TRAPPC11: variants seen among roughly 807,000 people sequenced by gnomAD.
TRAPPC11 encodes the protein trafficking protein particle complex subunit 11, also known as foie gras homolog.
In TRAPPC11, 104 loss-of-function variants were observed where a neutral mutation model predicts 151.2. The observed-to-expected ratio is 0.69, with a 90% CI of 0.59 to 0.81. The LOEUF is 0.81. TRAPPC11 is among the 30% of genes least tolerant of loss of function. The probability of loss-of-function intolerance (pLI) is 0.00; values close to 1 mark genes in which losing one functional copy is unlikely to be tolerated. For missense variants in TRAPPC11, 1,230 were observed against 1,349.6 expected (o/e 0.91, Z 1.39); for synonymous variants, 456 against 472.3 (o/e 0.97, Z 0.45).
At chr4:183,669,068 T>C (rs1735021253) in intron 5 of TRAPPC11, among the ~76,000 whole-genome samples, 1 of 152,148 alleles carries the variant, frequency 6.6e-6, no homozygotes, top group Non-Finnish European at 1.5e-5. Context: ...GAAGCATACA[T>C]TTAGCAGAGA....
intron 25 of TRAPPC11, among the ~76,000 whole-genome samples, chr4:183,700,680 G>A (rs761081802): frequency 3.3e-5 from 5 of 152,184 alleles, no homozygotes; most frequent in Admixed American, 6.5e-5. Context: ...AGTGCTATTA[G>A]TAATACAGGC....
chr4:183,684,273 G>A (rs1561044134), intron 13 of TRAPPC11, 32 bp from the exon 14 acceptor site: 3 of 1,612,684 alleles, frequency 1.9e-6, no homozygotes, highest in South Asian at 2.2e-5. Flanking sequence ...ATGACTTTAA[G>A]TTACATACAT....
chr4:183,694,104 T>A (rs1235204885), intron 22 of TRAPPC11, 66 bp downstream of exon 22: 3 of 1,555,680 alleles, frequency 1.9e-6, no homozygotes, highest in Non-Finnish European at 1.8e-6. Context: ...ATATAGTGAG[T>A]TTTTAACAGT....
At chr4:183,663,736 GTTTTTTT>G in intron 1 of TRAPPC11, 104 bp from the exon 2 acceptor site, 1 of 387,670 alleles carries the variant, frequency 2.6e-6, no homozygotes, top group South Asian at 3.3e-5. Context: ...AATATGAGTT[GTTTTTTT>G]TTTTTTTTTT....
chr4:183,664,296 A>G (rs999852765), intron 2 of TRAPPC11, among the ~76,000 whole-genome samples: 8 of 152,224 alleles, frequency 5.3e-5, no homozygotes, highest in South Asian at 2.1e-4. Flanking sequence ...TTTCTATCCT[A>G]TGAGCCCAGG....
chr4:183,662,135 A>G (rs1004334657), intron 1 of TRAPPC11, among the ~76,000 whole-genome samples: 1 of 152,032 alleles, frequency 6.6e-6, no homozygotes, highest in South Asian at 2.1e-4. Context: ...AAGGCTGGCA[A>G]TCGCCTGAGG....
intron 7 of TRAPPC11, among the ~76,000 whole-genome samples, chr4:183,676,614 G>A (rs896593150): frequency 6.6e-6 from 1 of 152,196 alleles, no homozygotes; most frequent in Non-Finnish European, 1.5e-5. Flanking sequence ...TGCAAGGTAG[G>A]CCCTGTTCCC....
chr4:183,678,120 G>A (rs950914070), intron 8 of TRAPPC11, among the ~76,000 whole-genome samples: 1 of 151,982 alleles, frequency 6.6e-6, no homozygotes, highest in Non-Finnish European at 1.5e-5. Context: ...TGTGTTTTTA[G>A]TAGAGACATG....
rs759549155 is a variant in TRAPPC11, at chr4:183,667,141, T to C, written c.445+11T>C. The C allele has an allele frequency of 6.3e-7, 1 of 1,596,726 alleles. No homozygotes were observed. The highest frequency in any genetic ancestry group is 8.6e-7 in the Non-Finnish European group (1 of 1,167,768). On this transcript the variant is annotated intron_variant, in intron 4 of 29. Transcript: ENST00000334690. ...CCCCTTTGCCCCCAGGTATCAGAAG[T>C]CTAATTAATGAATTAATTGTTTTAT...
At chr4:183,679,310 TTC>T (rs1385753195) in intron 8 of TRAPPC11, 41 bp from the exon 9 acceptor site, 2 of 1,512,790 alleles carry the variant, frequency 1.3e-6, no homozygotes, top group Non-Finnish European at 1.8e-6. Flanking sequence ...TCTTTTGACT[TTC>T]TTTTTTTCCT....
chr4:183,672,373 AACT>A (rs1735196268), intron 5 of TRAPPC11, among the ~76,000 whole-genome samples: 1 of 152,182 alleles, frequency 6.6e-6, no homozygotes, highest in Non-Finnish European at 1.5e-5. Flanking sequence ...GAACAAAAAA[AACT>A]GAAGGTCTCT....
At chr4:183,684,566 A>G in intron 14 of TRAPPC11, 130 bp from the exon 15 acceptor site, 1 of 1,088,164 alleles carries the variant, frequency 9.2e-7, no homozygotes, top group Non-Finnish European at 1.3e-6. Flanking sequence ...AAATATGAGA[A>G]TACCTGTTCA....
chr4:183,679,282 A>G (rs1735557353), intron 8 of TRAPPC11, 71 bp from the exon 9 acceptor site: 1 of 1,357,426 alleles, frequency 7.4e-7, no homozygotes, highest in African/African-American at 1.5e-5. Context: ...TTCTCAAAAT[A>G]GTTTTTAAAT....
At chr4:183,686,429 G>C (rs1385958996) in intron 17 of TRAPPC11, among the ~76,000 whole-genome samples, 189 bp from the exon 18 acceptor site, 1 of 152,192 alleles carries the variant, frequency 6.6e-6, no homozygotes, top group Non-Finnish European at 1.5e-5. Context: ...GAGCCACTGT[G>C]CTCAGCCTAA....
rs1234912682 is a variant in TRAPPC11, at chr4:183,685,100, T to C, written c.1584T>C (p.Asp528=). 1.2e-6 allele frequency: 2 copies of C among 1,613,896 alleles called. No homozygotes were observed. The highest frequency in any genetic ancestry group is 1.7e-5 in the Admixed American group (1 of 59,988). Reference sequence around the variant, plus strand: ...TCATACTAGCTTCAACTCTGAAAGATGACCAGAAGTCTCGGATAGAAAAGA... The same window carrying C: ...TCATACTAGCTTCAACTCTGAAAGACGACCAGAAGTCTCGGATAGAAAAGA... The part of the protein sequence containing the change: ...ELLGRASTLK[D]DQKSRIEKNL... The change falls in exon 16 of 30, where the codon GAT becomes GAC. Residue 528 remains aspartate, a synonymous_variant. Coordinates refer to ENST00000334690, the MANE Select transcript of TRAPPC11 (RefSeq NM_021942.6).
intron 4 of TRAPPC11, 106 bp from the exon 5 acceptor site, chr4:183,667,897 G>A: frequency 1.2e-6 from 1 of 812,760 alleles, no homozygotes; most frequent in East Asian, 2.4e-5. Flanking sequence ...AAAGCTGTTT[G>A]GGTTTTTATT....
At chr4:183,694,470 A>G (rs550056634) in intron 22 of TRAPPC11, 134 bp from the exon 23 acceptor site, 6 of 905,194 alleles carry the variant, frequency 6.6e-6, no homozygotes, top group Non-Finnish European at 1.0e-5. Context: ...ACATTGTAAC[A>G]TTCTGTAAAA....
intron 23 of TRAPPC11, among the ~76,000 whole-genome samples, chr4:183,695,177 C>A (rs1281427732): frequency 6.6e-6 from 1 of 151,906 alleles, no homozygotes; most frequent in Non-Finnish European, 1.5e-5. Context: ...CTTGAACTCC[C>A]AACCTCAGGT....
chr4:183,666,533 G>T, intron 3 of TRAPPC11, 107 bp downstream of exon 3: 2 of 1,136,226 alleles, frequency 1.8e-6, no homozygotes, highest in Non-Finnish European at 2.5e-6. Flanking sequence ...TGGTCACTTT[G>T]CGGATTGACC....
Sources: gnomAD v4.1 joint callset for allele counts (sites outside exome capture counted in the v4.1 genomes callset) on GRCh38, gnomAD v4.1.1 for gene constraint, MANE v1.5 for transcripts, NCBI Gene and HGNC (gene_info 2026-07-23, HGNC 2026-07-21) for gene names.